FREM3: variants seen among roughly 807,000 people sequenced by gnomAD.
The protein encoded by FREM3 is FRAS1-related extracellular matrix protein 3.
A neutral mutation model predicts 129.1 loss-of-function variants in FREM3; 105 were observed. That is an observed-to-expected ratio of 0.81 (90% CI 0.69 to 0.96). The LOEUF is 0.96. Ranked by LOEUF, FREM3 falls within the 40% of genes least tolerant of loss-of-function variation. FREM3 has a pLI of 0.00. For missense variants in FREM3, 2,593 were observed against 2,666.3 expected, an observed-to-expected ratio of 0.97 and a Z score of 0.61; for synonymous variants, 1,014 against 1,044.9, an observed-to-expected ratio of 0.97 and a Z score of 0.57.
chr4:143,698,295 C>T lies in FREM3; in HGVS notation c.2381G>A (p.Gly794Asp), dbSNP rs1478647749. Residue 794 changes from glycine (G) to aspartate (D), a missense_variant, in exon 1 of 8, where the codon GGT becomes GAT. Gly to Asp is a moderately conservative substitution (Grantham distance 94, BLOSUM62 -1). This residue lies in a region of FREM3 where 2,276 missense variants were observed against 2,267.2 expected (regional missense o/e 1.00). Transcript: ENST00000329798. ...AAACTGCACAACCCGTGGTGCAATA[C>T]CCAATTTCTGTGGAGGCTGGTAGGC... ...KVAYQPPQKLGIAPRVVQFTY... is the reference protein window; with the variant it reads ...KVAYQPPQKLDIAPRVVQFTY... 28 of 1,537,588 alleles carry T rather than the reference C, an allele frequency of 1.8e-5. No individual in the cohort carries two copies. The Admixed American group carries it at 3.3e-4, about 18-fold the overall frequency.
intron 5 of FREM3, among the ~76,000 whole-genome samples, chr4:143,620,334 A>G (rs1738924491): frequency 6.6e-6 from 1 of 152,218 alleles, no homozygotes; most frequent in Non-Finnish European, 1.5e-5. Context: ...TCTCTGCCAC[A>G]TGAAAGTGAT....
At chr4:143,581,552 C>T (rs999410865) in intron 7 of FREM3, among the ~76,000 whole-genome samples, 2 of 151,968 alleles carry the variant, frequency 1.3e-5, no homozygotes, top group Non-Finnish European at 2.9e-5. Flanking sequence ...GCTGGAGCTC[C>T]CAGAGGCAAC....
chr4:143,698,563 G>T lies in FREM3; in HGVS notation c.2113C>A (p.Leu705Met). Residue 705 changes from leucine (L) to methionine (M), a missense_variant, in exon 1 of 8, where the codon CTG becomes ATG. Coordinates refer to ENST00000329798, the MANE Select transcript of FREM3 (RefSeq NM_001168235.2). ...ATTTCTAGTGTAGTTCCTGGATACA[G>T]CTGTGGACTCAGTATATCCACTGGT... ...VQPVDILSPQ[L>M]YPGTTLEMTV... is the part of the protein sequence containing the mutation. 6.5e-7 allele frequency: 1 copy of T among 1,537,616 alleles called. No homozygotes were observed. Among genetic ancestry groups the T allele is most frequent in the Non-Finnish European group, 8.7e-7 (1 of 1,146,900 alleles).
chr4:143,678,275 C>G (rs970638515), intron 2 of FREM3, among the ~76,000 whole-genome samples: 1 of 151,930 alleles, frequency 6.6e-6, no homozygotes, highest in Non-Finnish European at 1.5e-5. Flanking sequence ...TCATTCTCAG[C>G]AAACTATTGC....
At chr4:143,650,556 T>C (rs1035195294) in intron 2 of FREM3, among the ~76,000 whole-genome samples, 5 of 152,196 alleles carry the variant, frequency 3.3e-5, no homozygotes, top group African/African-American at 1.2e-4. Context: ...AGTGGCACAC[T>C]CATAGCTCAC....
At chr4:143,611,068 T>C (rs1738746986) in intron 6 of FREM3, among the ~76,000 whole-genome samples, 1 of 152,026 alleles carries the variant, frequency 6.6e-6, no homozygotes, top group African/African-American at 2.4e-5. Context: ...AGTAAAGTCG[T>C]ACCCAAATAT....
chr4:143,662,278 G>T (rs556660419), intron 2 of FREM3, among the ~76,000 whole-genome samples: 1 of 152,182 alleles, frequency 6.6e-6, no homozygotes, highest in African/African-American at 2.4e-5. Flanking sequence ...CAGAGATTCT[G>T]GTATGTTGTG....
At chr4:143,660,768 G>T (rs1181695972) in intron 2 of FREM3, among the ~76,000 whole-genome samples, 1 of 151,890 alleles carries the variant, frequency 6.6e-6, no homozygotes, top group Non-Finnish European at 1.5e-5. Context: ...ATTGAGCAGT[G>T]GTTTGTAGTT....
chr4:143,586,855 C>T (rs1738252143), intron 6 of FREM3, among the ~76,000 whole-genome samples: 1 of 152,116 alleles, frequency 6.6e-6, no homozygotes, highest in South Asian at 2.1e-4. Flanking sequence ...TTGGCTGTGA[C>T]ATCTGGAGGC....
chr4:143,625,792 A>G (rs1013803913), intron 3 of FREM3, among the ~76,000 whole-genome samples: 5 of 152,234 alleles, frequency 3.3e-5, no homozygotes, highest in Admixed American at 1.3e-4. Flanking sequence ...GGGAGAGGCA[A>G]ACAGATAAAC....
At position 143,696,990 on chromosome 4, in the gene FREM3, T is replaced by C; in HGVS notation, c.3686A>G (p.His1229Arg). 2 of 1,537,718 alleles carry C rather than the reference T, an allele frequency of 1.3e-6. No homozygotes were observed. Among genetic ancestry groups the C allele is most frequent in the Non-Finnish European group, 1.7e-6 (2 of 1,147,030 alleles). Residue 1229 changes from histidine to arginine, a missense_variant, in exon 1 of 8, where the codon CAC (histidine) becomes CGC (arginine). Physicochemically the swap from His to Arg is conservative, Grantham distance 29 (BLOSUM62 0). This residue lies in a region of FREM3 where 2,276 missense variants were observed against 2,267.2 expected (regional missense o/e 1.00). Coordinates refer to ENST00000329798, the MANE Select transcript of FREM3 (RefSeq NM_001168235.2). Reference sequence around the variant, plus strand: ...CCGAGGGAGGGCTGTGAGTTGAAAGTGGAGCTCATTTGGTGGCAGGTCAGC... The same window carrying C: ...CCGAGGGAGGGCTGTGAGTTGAAAGCGGAGCTCATTTGGTGGCAGGTCAGC... ...ADADLPPNEL[H>R]FQLTALPRHG... is the part of the protein sequence containing the mutation.
chr4:143,623,754 C>T (rs1738996414), intron 4 of FREM3, among the ~76,000 whole-genome samples: 1 of 152,058 alleles, frequency 6.6e-6, no homozygotes, highest in African/African-American at 2.4e-5. Context: ...TCTAAGTCCC[C>T]ATTTGATCTG....
At chr4:143,644,578 T>C (rs1296110340) in intron 2 of FREM3, among the ~76,000 whole-genome samples, 2 of 152,164 alleles carry the variant, frequency 1.3e-5, no homozygotes, top group African/African-American at 2.4e-5. Flanking sequence ...TGAGGTTGTT[T>C]CCAGTCTTTA....
In FREM3 at chr4:143,695,556, C is replaced by A. The variant is rs1338750660; in HGVS notation, c.5120G>T (p.Gly1707Val). The change falls in exon 1 of 8, where the codon GGA (glycine) becomes GTA (valine). Residue 1707 changes from glycine to valine, a missense_variant. Gly to Val is a moderately radical substitution (Grantham distance 109). Coordinates refer to ENST00000329798, the MANE Select transcript of FREM3 (RefSeq NM_001168235.2). ...TTTGATAATGAAGCCATGCTCTGGT[C>A]CTCTGGTCACTTTATACTTCAGAAG... ...HRLLKYKVTRGPEHGFIIKTG... is the reference protein window; with the variant it reads ...HRLLKYKVTRVPEHGFIIKTG... The A allele has an allele frequency of 3.3e-6, 5 of 1,537,404 alleles. No individual in the cohort carries two copies. In the Admixed American group the frequency reaches 7.8e-5, roughly 24 times the overall value.
At chr4:143,577,999 G>C in intron 7 of FREM3, 147 bp from the exon 8 acceptor site, 1 of 932,334 alleles carries the variant, frequency 1.1e-6, no homozygotes. Context: ...TTGATCCCCA[G>C]AAGGGGGAAC....
At chr4:143,594,439 G>A (rs1299719482) in intron 6 of FREM3, among the ~76,000 whole-genome samples, 2 of 152,276 alleles carry the variant, frequency 1.3e-5, no homozygotes, top group East Asian at 3.9e-4. Flanking sequence ...TATTCTATAT[G>A]CCCTTGTATT....
At chr4:143,657,692 T>C (rs371535079) in intron 2 of FREM3, among the ~76,000 whole-genome samples, 19 of 152,322 alleles carry the variant, frequency 1.2e-4, no homozygotes, top group South Asian at 4.1e-4. Flanking sequence ...TCACACCATA[T>C]AAGCCAGGCA....
chr4:143,661,612 T>C (rs1739725345), intron 2 of FREM3, among the ~76,000 whole-genome samples: 1 of 152,168 alleles, frequency 6.6e-6, no homozygotes, highest in Admixed American at 6.5e-5. Flanking sequence ...ATAAAATGAG[T>C]TAGGGAGGAT....
At chr4:143,631,580 C>G (rs1191214562) in intron 2 of FREM3, among the ~76,000 whole-genome samples, 1 of 152,058 alleles carries the variant, frequency 6.6e-6, no homozygotes, top group Non-Finnish European at 1.5e-5. Context: ...TCAGGATTCT[C>G]TAATCCAACT....
Sources: allele counts gnomAD v4.1 joint callset (sites outside exome capture counted in the v4.1 genomes callset), GRCh38; gene constraint gnomAD v4.1.1; regional missense constraint gnomAD v4.1.1; transcripts MANE v1.5; gene names NCBI Gene and HGNC (gene_info 2026-07-23, HGNC 2026-07-21).